Variants in RMDN1 observed in about 807,000 individuals in gnomAD.
RMDN1 encodes the protein regulator of microtubule dynamics 1.
Under a neutral mutation model 48.9 loss-of-function variants are expected in RMDN1, and 48 were observed. The observed-to-expected ratio is 0.98, with a 90% confidence interval of 0.78 to 1.25. RMDN1 has a LOEUF of 1.25. Among genes scored for constraint, RMDN1 ranks in the 50% most tolerant of loss-of-function variants. The probability of loss-of-function intolerance (pLI) is 0.00; values close to 1 mark genes in which losing one functional copy is unlikely to be tolerated. For missense variants in RMDN1, 418 were observed against 373.4 expected (o/e 1.12, Z -0.98); for synonymous variants, 148 against 132.6 (o/e 1.12, Z -0.80).
downstream of RMDN1, chr8:86,472,249 T>G (rs1305665312): frequency 1.7e-6 from 1 of 594,692 alleles, no homozygotes; most frequent in African/African-American, 1.9e-5. Context: ...ATCTGAAACC[T>G]GAAATTCGTG....
intron 4 of RMDN1, among the ~76,000 whole-genome samples, chr8:86,486,197 A>G (rs1563611515): frequency 6.6e-6 from 1 of 152,236 alleles, no homozygotes; most frequent in East Asian, 1.9e-4. Flanking sequence ...TGAAATTACT[A>G]AACTCCTGTT....
At chr8:86,509,837 T>TTAAAAATA (rs1400427755), upstream of RMDN1, among the ~76,000 whole-genome samples, 2 of 152,196 alleles carry the variant, frequency 1.3e-5, no homozygotes, top group Admixed American at 1.3e-4. Flanking sequence ...AAGTCTATCT[T>TTAAAAATA]TAAAAATATA....
chr8:86,482,545 ATCT>A lies in RMDN1; in HGVS notation c.586-2216_586-2214del, dbSNP rs1025512483. On this transcript the variant is annotated intron_variant, in intron 5 of 9. Coordinates refer to ENST00000406452, the MANE Select transcript of RMDN1 (RefSeq NM_016033.3). ...ATCATAGTATCACTAAGTGAATGTC[ATCT>A]TCTTGCCTGTCAAATTCACTAAGAA... is the stretch of plus-strand genomic sequence containing the variant. The A allele has an allele frequency of 1.0e-3, 725 of 726,386 alleles. 4 individuals are homozygous for A. The highest frequency in any genetic ancestry group is 1.1e-3 in the Non-Finnish European group (442 of 389,454). 45.0% of individuals were successfully genotyped at this position (726,386 alleles called of 1,614,324 possible). A position where few individuals can be genotyped will look rare whatever the true frequency, so the allele number is the denominator to read the frequency against.
intron 5 of RMDN1, among the ~76,000 whole-genome samples, chr8:86,483,352 A>C (rs1395736263): frequency 6.6e-6 from 1 of 152,194 alleles, no homozygotes; most frequent in Non-Finnish European, 1.5e-5. Context: ...TTTGGAAGTT[A>C]TGTCATGTAT....
At chr8:86,500,373 T>G (rs1388771758) in intron 2 of RMDN1, among the ~76,000 whole-genome samples, 1 of 151,610 alleles carries the variant, frequency 6.6e-6, no homozygotes, top group Non-Finnish European at 1.5e-5. Flanking sequence ...GCAAAAGACA[T>G]GAACACTTCT....
At chr8:86,504,966 G>T (rs769538038) in intron 2 of RMDN1, 78 of 1,393,074 alleles carry the variant, frequency 5.6e-5, no homozygotes, top group Non-Finnish European at 7.6e-5. Flanking sequence ...TATCACATGG[G>T]CCTTTAAAAG....
intron 2 of RMDN1, among the ~76,000 whole-genome samples, chr8:86,502,592 T>C (rs1180644489): frequency 6.6e-6 from 1 of 152,182 alleles, no homozygotes; most frequent in Non-Finnish European, 1.5e-5. Context: ...AATAAGAAAT[T>C]TGATGGATTT....
upstream of RMDN1, chr8:86,508,790 G>A (rs1443809857): frequency 6.6e-6 from 8 of 1,211,308 alleles, no homozygotes; most frequent in African/African-American, 1.7e-5. Context: ...TCCGGTGCAC[G>A]GGCTTAGGGG....
chr8:86,470,117 T>C, downstream of RMDN1: 5 of 1,245,636 alleles, frequency 4.0e-6, no homozygotes, highest in Non-Finnish European at 4.1e-6. Context: ...AAAATCAGTA[T>C]TCTACTCATA....
At position 86,496,712 on chromosome 8, in the gene RMDN1, T is replaced by C. The variant is rs1021227165; in HGVS notation, c.248-8073A>G. Among the ~76,000 whole-genome samples the C allele has an allele frequency of 3.9e-5, 6 of 152,172 alleles. No individual in the cohort carries two copies. The East Asian group carries it at 5.8e-4, about 15-fold the overall frequency. On this transcript the variant is annotated intron_variant, in intron 2 of 9. Coordinates refer to ENST00000406452, the MANE Select transcript of RMDN1 (RefSeq NM_016033.3). ...AATACTGAGAGACTTCAACACTCCA[T>C]TGACAGTGCTACACATATCATTAAG...
chr8:86,495,131 C>G (rs1190370772), intron 2 of RMDN1, among the ~76,000 whole-genome samples: 1 of 152,074 alleles, frequency 6.6e-6, no homozygotes, highest in African/African-American at 2.4e-5. Flanking sequence ...ACATGCTGAA[C>G]AGATACTCAG....
At chr8:86,468,370 T>C (rs1812282343), downstream of RMDN1, 1 of 453,772 alleles carries the variant, frequency 2.2e-6, no homozygotes, top group Non-Finnish European at 4.4e-6. Context: ...TCTGCTTGGT[T>C]GAATAGACTC....
intron 5 of RMDN1, among the ~76,000 whole-genome samples, chr8:86,483,534 G>A (rs1018065864): frequency 5.9e-5 from 9 of 152,166 alleles, no homozygotes; most frequent in Non-Finnish European, 1.2e-4. Flanking sequence ...ATTACATCAT[G>A]TAATCTCATT....
intron 2 of RMDN1, among the ~76,000 whole-genome samples, chr8:86,497,143 G>A (rs929810076): frequency 6.6e-5 from 10 of 152,192 alleles, no homozygotes; most frequent in African/African-American, 2.2e-4. Context: ...CTAAAGCAGT[G>A]CTAAGAGGAA....
downstream of RMDN1, chr8:86,468,373 A>G (rs753579687): frequency 4.4e-6 from 2 of 453,764 alleles, no homozygotes; most frequent in South Asian, 3.2e-5. Context: ...GCTTGGTTGA[A>G]TAGACTCCTT....
intron 2 of RMDN1, chr8:86,505,377 G>GC (rs1563662683): frequency 8.8e-6 from 4 of 456,706 alleles, no homozygotes; most frequent in Non-Finnish European, 1.8e-5. Context: ...TAATATTGCC[G>GC]CACTAGGGGA....
At position 86,472,827 on chromosome 8, in the gene RMDN1, GATA is replaced by G. The variant is rs1310515151; in HGVS notation, c.*1478_*1480del. ...ACAAATTACCCACATGAGTGGCTGA[GATA>G]ATGACACCTTTGCTTTCTGATGGTT... On this transcript the variant is annotated 3_prime_UTR_variant, in exon 10 of 10. Coordinates refer to ENST00000406452, the MANE Select transcript of RMDN1 (RefSeq NM_016033.3). The G allele has an allele frequency of 6.4e-5, 14 of 219,758 alleles. No individual in the cohort carries two copies. The highest frequency in any genetic ancestry group is 1.2e-4 in the Non-Finnish European group (14 of 112,602). The allele number at this position is 219,758 out of a possible 1,614,324, so 13.6% of individuals were successfully genotyped here.
chr8:86,479,508 G>C (rs1813976075), intron 6 of RMDN1, among the ~76,000 whole-genome samples: 1 of 152,144 alleles, frequency 6.6e-6, no homozygotes, highest in South Asian at 2.1e-4. Context: ...AAATAAGTAG[G>C]AAAGAAAGTG....
chr8:86,470,078 A>C, downstream of RMDN1: 1 of 1,044,988 alleles, frequency 9.6e-7, no homozygotes, highest in Non-Finnish European at 1.2e-6. Context: ...GAGAGCTTTT[A>C]GGTTCTTATA....
Sources: allele counts gnomAD v4.1 joint callset (sites outside exome capture counted in the v4.1 genomes callset), GRCh38; gene constraint gnomAD v4.1.1; transcripts MANE v1.5; gene names NCBI Gene and HGNC (gene_info 2026-07-23, HGNC 2026-07-21).